TENM2: variants seen among roughly 807,000 people sequenced by gnomAD.
TENM2 encodes teneurin transmembrane protein 2.
Under a neutral mutation model 245.2 loss-of-function variants are expected in TENM2, and 52 were observed. That is an observed-to-expected ratio of 0.21 (90% CI 0.17 to 0.27). The LOEUF is 0.27. Ranked by LOEUF, TENM2 falls within the 10% of genes least tolerant of loss-of-function variation. The probability of loss-of-function intolerance (pLI) is 1.00; values close to 1 mark genes in which losing one functional copy is unlikely to be tolerated. For synonymous variants in TENM2, 1,363 were observed against 1,438.9 expected, an observed-to-expected ratio of 0.95 and a Z score of 1.19; for missense variants, 3,046 against 3,666.8, an observed-to-expected ratio of 0.83 and a Z score of 4.37.
At chr5:167,838,687 A>G (rs187486747) in intron 2 of TENM2, among the ~76,000 whole-genome samples, 12 of 152,302 alleles carry the variant, frequency 7.9e-5, no homozygotes, top group African/African-American at 2.2e-4. Context: ...TTCTTTGCCT[A>G]CTTTGCATAC....
chr5:167,200,155 T>TTGTG, the TENM2 span, among the ~76,000 whole-genome samples: 4 of 150,530 alleles, frequency 2.7e-5, no homozygotes, highest in African/African-American at 7.3e-5. Context: ...CTATCCCCCT[T>TTGTG]TGTGTGTGTG....
chr5:167,154,608 A>G, the TENM2 span, among the ~76,000 whole-genome samples: 1 of 152,194 alleles, frequency 6.6e-6, no homozygotes, highest in Non-Finnish European at 1.5e-5. Flanking sequence ...TAGAAGACAA[A>G]CTGAAATTGG....
intron 6 of TENM2, among the ~76,000 whole-genome samples, chr5:168,050,941 C>T (rs1789030933): frequency 6.6e-6 from 1 of 152,160 alleles, no homozygotes; most frequent in Non-Finnish European, 1.5e-5. Context: ...CACTCACCAT[C>T]TTGTGTGTAT....
the TENM2 span, among the ~76,000 whole-genome samples, chr5:167,258,245 A>ATATATATATGTATATATATG: frequency 6.8e-6 from 1 of 147,056 alleles, no homozygotes; most frequent in African/African-American, 2.5e-5. Flanking sequence ...ATATATATGT[A>ATATATATATGTATATATATG]TATATATATA....
At chr5:168,181,921 C>T (rs909067105) in intron 13 of TENM2, among the ~76,000 whole-genome samples, 1 of 151,868 alleles carries the variant, frequency 6.6e-6, no homozygotes, top group Non-Finnish European at 1.5e-5. Flanking sequence ...AGGTGATCCA[C>T]CTGCCTCAGC....
At chr5:168,148,804 C>A (rs1442756584) in intron 12 of TENM2, among the ~76,000 whole-genome samples, 2 of 151,896 alleles carry the variant, frequency 1.3e-5, no homozygotes, top group Non-Finnish European at 2.9e-5. Flanking sequence ...GTGACCGCAT[C>A]TTCACAGGAT....
chr5:167,073,030 A>T, the TENM2 span, among the ~76,000 whole-genome samples: 1 of 152,216 alleles, frequency 6.6e-6, no homozygotes, highest in East Asian at 1.9e-4. Context: ...GCCATAGTCA[A>T]AGTGACTTAA....
chr5:167,666,057 C>A (rs753685764), intron 2 of TENM2, among the ~76,000 whole-genome samples: 3 of 152,178 alleles, frequency 2.0e-5, no homozygotes, highest in Admixed American at 6.5e-5. Flanking sequence ...ACAGGCGATT[C>A]CCGTCAGCAA....
intron 17 of TENM2, 86 bp downstream of exon 19, chr5:168,200,217 C>A: frequency 1.6e-6 from 2 of 1,249,440 alleles, no homozygotes; most frequent in Non-Finnish European, 2.2e-6. Flanking sequence ...CGAGGATATG[C>A]CAAGCACCAT....
At position 168,005,932 on chromosome 5, in the gene TENM2, A is replaced by G. The variant is rs1396565422; in HGVS notation, c.1186+12750A>G. Among the ~76,000 whole-genome samples, 3 of 152,292 alleles carry G rather than the reference A, an allele frequency of 2.0e-5. No homozygotes were observed. In the East Asian group the frequency reaches 5.8e-4, roughly 29 times the overall value. On this transcript the variant is annotated intron_variant, in intron 5 of 28. Coordinates refer to ENST00000518659, the Ensembl canonical transcript of TENM2. Reference sequence around the variant, plus strand: ...ATTCCTTTGTGTCACTGTAGTATATATGGTATATATTCCTGGGAATATAAA... The same window carrying G: ...ATTCCTTTGTGTCACTGTAGTATATGTGGTATATATTCCTGGGAATATAAA...
At chr5:167,377,136 C>A (rs1760800703) in intron 2 of TENM2, among the ~76,000 whole-genome samples, 1 of 151,938 alleles carries the variant, frequency 6.6e-6, no homozygotes, top group Non-Finnish European at 1.5e-5. Context: ...AAATGCTTGC[C>A]ATGAATTTAC....
At chr5:167,450,045 AGATG>A (rs983913082) in intron 2 of TENM2, among the ~76,000 whole-genome samples, 6 of 152,106 alleles carry the variant, frequency 3.9e-5, no homozygotes, top group African/African-American at 1.4e-4. Context: ...ATGCGTGGCT[AGATG>A]GATGGATGGA....
chr5:167,509,953 C>T (rs564838916), intron 2 of TENM2, among the ~76,000 whole-genome samples: 2 of 152,248 alleles, frequency 1.3e-5, no homozygotes, highest in Non-Finnish European at 1.5e-5. Context: ...ACCTAAACTA[C>T]AAGTGAGGAT....
At chr5:168,238,642 G>A (rs1234446902) in intron 25 of TENM2, among the ~76,000 whole-genome samples, 3 of 152,202 alleles carry the variant, frequency 2.0e-5, no homozygotes, top group Non-Finnish European at 4.4e-5. Flanking sequence ...AGAGTCACCA[G>A]TTATAGGCCC....
the TENM2 span, among the ~76,000 whole-genome samples, chr5:167,269,943 C>T: frequency 1.3e-5 from 2 of 152,006 alleles, no homozygotes; most frequent in Non-Finnish European, 2.9e-5. Flanking sequence ...AGTGAGATAC[C>T]TGAACAAGTA....
At chr5:168,131,474 G>A (rs1427284773) in intron 12 of TENM2, among the ~76,000 whole-genome samples, 2 of 152,090 alleles carry the variant, frequency 1.3e-5, no homozygotes, top group Non-Finnish European at 2.9e-5. Flanking sequence ...TCTTTAATTG[G>A]TTGGGGAAAG....
chr5:167,562,956 TCAAAAAA>T (rs1443019632), intron 2 of TENM2, among the ~76,000 whole-genome samples: 1 of 111,818 alleles, frequency 8.9e-6, no homozygotes, highest in East Asian at 2.4e-4. Context: ...AAATTCTGTC[TCAAAAAA>T]AAAAAAAAAA....
chr5:168,233,757 T>C (rs2161301), intron 25 of TENM2, among the ~76,000 whole-genome samples: 47,326 of 152,094 alleles, frequency 0.31, 9,796 homozygotes, highest in East Asian at 0.56. Flanking sequence ...TGGACTTACT[T>C]ACAGTTCCAC....
intron 3 of TENM2, among the ~76,000 whole-genome samples, chr5:167,920,345 A>G (rs558910244): frequency 8.3e-4 from 125 of 151,348 alleles, no homozygotes; most frequent in Admixed American, 2.8e-3. Flanking sequence ...AAAAAAGAAA[A>G]AAAAAGAAAA....
Sources: allele counts gnomAD v4.1 joint callset (sites outside exome capture counted in the v4.1 genomes callset), GRCh38; gene constraint gnomAD v4.1.1; transcripts MANE v1.5; gene names NCBI Gene and HGNC (gene_info 2026-07-23, HGNC 2026-07-21).